The following FOCAD variants were observed in gnomAD, a reference collection of about 807,000 sequenced individuals.
The protein encoded by FOCAD is focadhesin, also known as KIAA1797.
A neutral mutation model predicts 225.6 loss-of-function variants in FOCAD; 198 were observed. That is an observed-to-expected ratio of 0.88 (90% CI 0.78 to 0.99). The LOEUF is 0.99. Among genes scored for constraint, FOCAD ranks in the 50% least tolerant of loss-of-function variants. The pLI is 0.00. For synonymous variants in FOCAD, 897 were observed against 755.0 expected (o/e 1.19, Z -3.08); for missense variants, 2,713 against 2,123.6 (o/e 1.28, Z -5.46).
chr9:20,846,140 A>G (rs1827084261), intron 15 of FOCAD, among the ~76,000 whole-genome samples: 1 of 152,058 alleles, frequency 6.6e-6, no homozygotes, highest in South Asian at 2.1e-4. Context: ...ATTATGTTGG[A>G]GAGCACTTCC....
At chr9:20,918,284 A>T (rs927388148) in intron 24 of FOCAD, among the ~76,000 whole-genome samples, 2 of 152,252 alleles carry the variant, frequency 1.3e-5, no homozygotes, top group African/African-American at 4.8e-5. Context: ...TCTAGTAGAT[A>T]TTGCAATTTT....
chr9:20,818,439 AC>A (rs1823965109), intron 11 of FOCAD, among the ~76,000 whole-genome samples: 1 of 151,922 alleles, frequency 6.6e-6, no homozygotes, highest in African/African-American at 2.4e-5. Flanking sequence ...AGCTTAGTCT[AC>A]CCCAATGTTA....
At chr9:20,957,780 A>G (rs76037885) in intron 35 of FOCAD, among the ~76,000 whole-genome samples, 8,546 of 143,586 alleles carry the variant, frequency 0.06, 341 homozygotes, top group South Asian at 0.13. Flanking sequence ...TGCCTCCCAA[A>G]GTGGATTACA....
intron 11 of FOCAD, among the ~76,000 whole-genome samples, chr9:20,812,519 T>G (rs1281032544): frequency 6.6e-6 from 1 of 151,892 alleles, no homozygotes; most frequent in Non-Finnish European, 1.5e-5. Context: ...GAATCCAGAG[T>G]TGAATTTTTG....
chr9:20,941,905 T>G (rs915026549), intron 28 of FOCAD, among the ~76,000 whole-genome samples: 3 of 152,318 alleles, frequency 2.0e-5, no homozygotes, highest in Admixed American at 1.3e-4. Flanking sequence ...TAGAATGAGG[T>G]AAATATGTGG....
At chr9:20,760,160 G>C (rs1829447569) in intron 6 of FOCAD, among the ~76,000 whole-genome samples, 2 of 152,196 alleles carry the variant, frequency 1.3e-5, no homozygotes, top group Non-Finnish European at 2.9e-5. Context: ...CAAGAGAGCA[G>C]ATCTTACAGT....
At chr9:20,701,591 G>A (rs975023206) in intron 1 of FOCAD, among the ~76,000 whole-genome samples, 3 of 152,168 alleles carry the variant, frequency 2.0e-5, no homozygotes, top group African/African-American at 7.2e-5. Flanking sequence ...TGATGGAAGT[G>A]GCCAATTGTT....
intron 10 of FOCAD, among the ~76,000 whole-genome samples, chr9:20,788,304 G>A (rs1033878782): frequency 1.3e-5 from 2 of 152,092 alleles, no homozygotes; most frequent in African/African-American, 4.8e-5. Flanking sequence ...GAGGAGGGTT[G>A]GGGGAGTAAG....
At chr9:20,939,933 T>A (rs549972208) in intron 28 of FOCAD, among the ~76,000 whole-genome samples, 23 of 134,142 alleles carry the variant, frequency 1.7e-4, no homozygotes, top group Admixed American at 1.1e-3. Context: ...CCCCAGTGTG[T>A]GATGTTCCCC....
chr9:20,918,212 C>T (rs1000284461), intron 24 of FOCAD, among the ~76,000 whole-genome samples: 1 of 152,204 alleles, frequency 6.6e-6, no homozygotes, highest in Non-Finnish European at 1.5e-5. Context: ...ACATTTGCTG[C>T]AAAAACTTGA....
rs368514131 is a variant in FOCAD, at chr9:20,798,920, G to C, written c.1455+9312G>C. On this transcript the variant is annotated intron_variant, in intron 11 of 43. Transcript: ENST00000338382. ...GAATGTGTTTGCTCTTGCTTCTCTA[G>C]TTCTTTTAATTGTGATATTAGGGTG... Among the ~76,000 whole-genome samples the C allele has an allele frequency of 1.1e-4, 17 of 152,130 alleles. 1 individual carries two copies. In the South Asian group the frequency reaches 3.5e-3, roughly 32 times the overall value.
chr9:20,845,713 G>A (rs1827036785), intron 15 of FOCAD, among the ~76,000 whole-genome samples: 1 of 151,850 alleles, frequency 6.6e-6, no homozygotes, highest in Non-Finnish European at 1.5e-5. Flanking sequence ...ACTCCTACCT[G>A]TATTATACGG....
At chr9:20,734,726 C>T (rs1023780142) in intron 4 of FOCAD, among the ~76,000 whole-genome samples, 1 of 152,020 alleles carries the variant, frequency 6.6e-6, no homozygotes, top group Non-Finnish European at 1.5e-5. Flanking sequence ...CTCACTGCAG[C>T]CCCAACCTCC....
intron 11 of FOCAD, among the ~76,000 whole-genome samples, chr9:20,813,598 C>G (rs545514066): frequency 1.3e-5 from 2 of 152,222 alleles, no homozygotes; most frequent in East Asian, 3.9e-4. Context: ...GGAAAGGGTA[C>G]TTAGTGTGAT....
chr9:20,699,195 G>A (rs1196745376), intron 1 of FOCAD, among the ~76,000 whole-genome samples: 1 of 152,180 alleles, frequency 6.6e-6, no homozygotes, highest in Non-Finnish European at 1.5e-5. Flanking sequence ...CTTTCTATCA[G>A]TTTGGAAGTA....
At chr9:20,856,420 A>G (rs1828190251) in intron 15 of FOCAD, among the ~76,000 whole-genome samples, 1 of 151,822 alleles carries the variant, frequency 6.6e-6, no homozygotes, top group African/African-American at 2.4e-5. Context: ...TGTTTTGCCC[A>G]TTTTTTGAGT....
chr9:20,981,322 T>G, intron 37 of FOCAD, 104 bp from the exon 38 acceptor site: 1 of 1,320,298 alleles, frequency 7.6e-7, no homozygotes, highest in African/African-American at 1.5e-5. Flanking sequence ...CCTGAACCTT[T>G]TATCTCTCAG....
intron 19 of FOCAD, 24 bp from the exon 20 acceptor site, chr9:20,881,847 T>G (rs1587493424): frequency 6.2e-7 from 1 of 1,603,162 alleles, no homozygotes; most frequent in Non-Finnish European, 8.5e-7. Flanking sequence ...ACTCTACTTT[T>G]GGTCTCCTTT....
chr9:20,728,150 T>A (rs990564904), intron 4 of FOCAD, among the ~76,000 whole-genome samples: 38 of 151,628 alleles, frequency 2.5e-4, no homozygotes, highest in African/African-American at 5.8e-4. Context: ...TAAAAAAAAA[T>A]TTTTTTTGAA....
Sources: allele counts gnomAD v4.1 joint callset (sites outside exome capture counted in the v4.1 genomes callset), GRCh38; gene constraint gnomAD v4.1.1; transcripts MANE v1.5; gene names NCBI Gene and HGNC (gene_info 2026-07-23, HGNC 2026-07-21).